RALB: variants seen among roughly 807,000 people sequenced by gnomAD.
RALB encodes ras-related protein Ral-B.
RALB carries 16 observed loss-of-function variants against 21.3 expected under a neutral mutation model. The observed-to-expected ratio is 0.75, with a 90% CI of 0.51 to 1.14. The LOEUF (loss-of-function observed/expected upper bound fraction) is 1.14. Ranked by LOEUF, RALB falls within the 50% of genes most tolerant of loss-of-function variation. RALB has a pLI of 0.00. For synonymous variants in RALB, 93 were observed against 96.1 expected (o/e 0.97, Z 0.19); for missense variants, 161 against 256.2 (o/e 0.63, Z 2.54).
chr2:120,283,849 T>G (rs1017301081), intron 2 of RALB, among the ~76,000 whole-genome samples: 2 of 152,224 alleles, frequency 1.3e-5, no homozygotes, highest in African/African-American at 4.8e-5. Flanking sequence ...GACTTTGTGA[T>G]TTTCTGTTTC....
chr2:120,243,633 T>A (rs77042868), intron 1 of RALB, among the ~76,000 whole-genome samples: 11,018 of 152,256 alleles, frequency 0.072, 547 homozygotes, highest in Non-Finnish European at 0.11. Context: ...GGGGATTTGA[T>A]GCTGTTGGTG....
At chr2:120,261,196 G>T (rs1573329199) in intron 1 of RALB, among the ~76,000 whole-genome samples, 1 of 152,178 alleles carries the variant, frequency 6.6e-6, no homozygotes, top group South Asian at 2.1e-4. Context: ...AATCTTTAGG[G>T]TGAAGATTCA....
chr2:120,247,933 C>T (rs748486524), upstream of RALB, among the ~76,000 whole-genome samples: 52 of 152,158 alleles, frequency 3.4e-4, no homozygotes, highest in Admixed American at 2.6e-3. Context: ...GTGCCCAGGA[C>T]GGAATGGGAA....
chr2:120,265,164 G>T (rs7587975), intron 1 of RALB, among the ~76,000 whole-genome samples: 106,777 of 152,176 alleles, frequency 0.7, 38,137 homozygotes, highest in Middle Eastern at 0.8. Flanking sequence ...AGCAATGTCA[G>T]TGTTTTGCAA....
chr2:120,243,465 T>A (rs887798172), intron 1 of RALB, among the ~76,000 whole-genome samples: 20 of 152,166 alleles, frequency 1.3e-4, no homozygotes, highest in African/African-American at 4.8e-4. Context: ...GGGGAGCACC[T>A]CCCTCCATCC....
At chr2:120,240,325 C>T (rs1688873931) in intron 1 of RALB, among the ~76,000 whole-genome samples, 1 of 151,622 alleles carries the variant, frequency 6.6e-6, no homozygotes, top group South Asian at 2.1e-4. Flanking sequence ...CCCTCTGTCA[C>T]CCAGGCTGGA....
chr2:120,276,700 AC>A (rs1399352089), intron 1 of RALB, among the ~76,000 whole-genome samples: 1 of 152,004 alleles, frequency 6.6e-6, no homozygotes, highest in Non-Finnish European at 1.5e-5. Flanking sequence ...TATCACTCTT[AC>A]AATTAGATGG....
intron 3 of RALB, 65 bp downstream of exon 3, chr2:120,286,147 G>A: frequency 7.1e-7 from 1 of 1,399,154 alleles, no homozygotes; most frequent in Non-Finnish European, 1.0e-6. Flanking sequence ...TATGTCTTAG[G>A]CCTATGAAGA....
rs1299661974 is a variant in RALB, at chr2:120,252,918, G to A, written c.-110G>A. 3 of 985,254 alleles carry A rather than the reference G, an allele frequency of 3.0e-6. No individual in the cohort carries two copies. Among genetic ancestry groups the A allele is most frequent in the Non-Finnish European group, 3.6e-6 (3 of 830,066 alleles). 61.0% of individuals were successfully genotyped at this position (985,254 alleles called of 1,614,324 possible). A position where few individuals can be genotyped will look rare whatever the true frequency, so the allele number is the denominator to read the frequency against. ...GGCTGGGGTCCGGCCCCGGGAGGGG[G>A]CGGGGCGCGTTTAAGAGCTGCGGGC... is the stretch of plus-strand genomic sequence containing the variant. On this transcript the variant is annotated 5_prime_UTR_variant, in exon 1 of 5. Coordinates refer to ENST00000272519, the MANE Select transcript of RALB (RefSeq NM_002881.3).
intron 1 of RALB, among the ~76,000 whole-genome samples, chr2:120,258,671 A>T (rs1325239426): frequency 6.6e-6 from 1 of 152,230 alleles, no homozygotes; most frequent in Non-Finnish European, 1.5e-5. Flanking sequence ...GGCAGAGAAG[A>T]TGGAAGAAGT....
intron 2 of RALB, among the ~76,000 whole-genome samples, chr2:120,285,126 T>C (rs1690098015): frequency 6.6e-6 from 1 of 152,010 alleles, no homozygotes; most frequent in Non-Finnish European, 1.5e-5. Context: ...TCAGGAAACT[T>C]ACAATCATGG....
upstream of RALB, chr2:120,252,718 G>GA: frequency 1.0e-6 from 1 of 953,262 alleles, no homozygotes; most frequent in Non-Finnish European, 1.2e-6. Flanking sequence ...CCGCTGCTTG[G>GA]AAAATCAGCC....
intron 1 of RALB, among the ~76,000 whole-genome samples, chr2:120,277,814 A>C (rs1367203774): frequency 6.7e-6 from 1 of 149,602 alleles, no homozygotes; most frequent in Non-Finnish European, 1.5e-5. Flanking sequence ...AGAGCGTGTG[A>C]GAGCAAGTGT....
chr2:120,273,177 G>A (rs1573341637), intron 1 of RALB, among the ~76,000 whole-genome samples: 1 of 141,706 alleles, frequency 7.1e-6, no homozygotes, highest in Non-Finnish European at 1.6e-5. Context: ...TCTCCCTAAA[G>A]GCTCAGAGTT....
upstream of RALB, among the ~76,000 whole-genome samples, chr2:120,249,259 T>C (rs1655954517): frequency 1.3e-5 from 2 of 152,108 alleles, no homozygotes; most frequent in Admixed American, 1.3e-4. Flanking sequence ...GGTCTCAAAC[T>C]CCTGACCTCA....
Position 120,256,988 on chromosome 2 carries a change from T to C in RALB, c.-48+4008T>C, listed in dbSNP as rs988494963. Among the ~76,000 whole-genome samples the C allele has an allele frequency of 3.3e-5, 5 of 152,260 alleles. 1 individual carries two copies. Among genetic ancestry groups the C allele is most frequent in the African/African-American group, 1.2e-4 (5 of 41,468 alleles). ...GTATTGTAGAAGCTTTAATACTATA[T>C]GTGAAACTTTTATGTTCTTTCTTCC... On this transcript the variant is annotated intron_variant, in intron 1 of 4. Transcript: ENST00000272519.
chr2:120,289,469 T>A, intron 3 of RALB, 111 bp from the exon 4 acceptor site: 1 of 573,158 alleles, frequency 1.7e-6, no homozygotes, highest in Non-Finnish European at 2.7e-6. Flanking sequence ...AATCTAGTGA[T>A]TTTTTTTTTT....
chr2:120,241,910 T>G (rs1464052368), intron 1 of RALB, among the ~76,000 whole-genome samples: 1 of 152,204 alleles, frequency 6.6e-6, no homozygotes, highest in Non-Finnish European at 1.5e-5. Context: ...GCAGTTCCAC[T>G]TCTGAGTGTA....
chr2:120,275,123 A>C (rs1434764771), intron 1 of RALB, among the ~76,000 whole-genome samples: 2 of 152,230 alleles, frequency 1.3e-5, no homozygotes, highest in Non-Finnish European at 2.9e-5. Flanking sequence ...GCCAGAGCCC[A>C]GACAAGCTTC....
Sources: allele counts gnomAD v4.1 joint callset (sites outside exome capture counted in the v4.1 genomes callset), GRCh38; gene constraint gnomAD v4.1.1; transcripts MANE v1.5; gene names NCBI Gene and HGNC (gene_info 2026-07-23, HGNC 2026-07-21).